The following TENM2 variants were observed in gnomAD, a reference collection of about 807,000 sequenced individuals.
TENM2 encodes teneurin transmembrane protein 2.
In TENM2, 52 loss-of-function variants were observed where a neutral mutation model predicts 245.2. The observed-to-expected ratio is 0.21, with a 90% confidence interval of 0.17 to 0.27. TENM2 has a LOEUF of 0.27. Ranked by LOEUF, TENM2 falls within the 10% of genes least tolerant of loss-of-function variation. TENM2 has a pLI of 1.00. For synonymous variants in TENM2, 1,363 were observed against 1,438.9 expected (o/e 0.95, Z 1.19); for missense variants, 3,046 against 3,666.8 (o/e 0.83, Z 4.37).
intron 2 of TENM2, among the ~76,000 whole-genome samples, chr5:167,798,996 T>C (rs1345028381): frequency 1.3e-5 from 2 of 152,158 alleles, no homozygotes; most frequent in Admixed American, 1.3e-4. Flanking sequence ...GAGGCTTTGA[T>C]GGGGTTAGGA....
the TENM2 span, among the ~76,000 whole-genome samples, chr5:167,210,533 G>A: frequency 3.5e-5 from 5 of 144,750 alleles, no homozygotes; most frequent in Admixed American, 2.1e-4. Flanking sequence ...GCGCAATCTC[G>A]GCTCACTGCA....
the TENM2 span, among the ~76,000 whole-genome samples, chr5:167,191,415 T>C: frequency 1.3e-5 from 2 of 152,046 alleles, no homozygotes; most frequent in Non-Finnish European, 2.9e-5. Flanking sequence ...CTAGGACACA[T>C]GTGTGTCCAA....
chr5:167,313,050 G>A (rs951780032), intron 1 of TENM2, among the ~76,000 whole-genome samples: 8 of 151,740 alleles, frequency 5.3e-5, no homozygotes, highest in East Asian at 3.9e-4. Flanking sequence ...TTACAGGCAC[G>A]CACCACCACT....
At chr5:167,280,756 G>GTCTGTCTATCTATCTA (rs1424705114), upstream of TENM2, among the ~76,000 whole-genome samples, 128 of 145,978 alleles carry the variant, frequency 8.8e-4, no homozygotes, top group East Asian at 1.8e-3. Context: ...CTATCTGTCT[G>GTCTGTCTATCTATCTA]TCTATCTATC....
intron 2 of TENM2, among the ~76,000 whole-genome samples, chr5:167,458,486 C>CAAAAAAAA (rs1466388818): frequency 2.8e-5 from 1 of 35,760 alleles, no homozygotes; most frequent in Non-Finnish European, 6.7e-5. Flanking sequence ...GACTCCGTCT[C>CAAAAAAAA]AAAAAAACAA....
At chr5:168,205,942 G>A (rs559228978) in intron 19 of TENM2, among the ~76,000 whole-genome samples, 6 of 152,318 alleles carry the variant, frequency 3.9e-5, no homozygotes, top group Admixed American at 2.6e-4. Flanking sequence ...GTCCAGGATT[G>A]GGGCAATGGT....
At chr5:167,525,370 T>C (rs947957557) in intron 2 of TENM2, among the ~76,000 whole-genome samples, 2 of 152,144 alleles carry the variant, frequency 1.3e-5, no homozygotes, top group South Asian at 4.1e-4. Context: ...CTTTATATAA[T>C]GGTGTTTCCT....
the TENM2 span, among the ~76,000 whole-genome samples, chr5:167,071,872 C>T: frequency 8.2e-5 from 10 of 122,296 alleles, no homozygotes; most frequent in African/African-American, 2.7e-5. Context: ...TGAATTTTGA[C>T]AAATCGCCCC....
chr5:167,527,319 A>G (rs1481243340), intron 2 of TENM2, among the ~76,000 whole-genome samples: 2 of 152,114 alleles, frequency 1.3e-5, no homozygotes, highest in African/African-American at 2.4e-5. Context: ...CCACCACAAA[A>G]GAAAAAAATT....
At chr5:167,439,084 G>A (rs1313968686) in intron 2 of TENM2, among the ~76,000 whole-genome samples, 12 of 152,178 alleles carry the variant, frequency 7.9e-5, no homozygotes, top group African/African-American at 2.4e-4. Flanking sequence ...ATGAGCCGCC[G>A]CACCGGGCCG....
At chr5:167,705,837 A>G (rs1350018260) in intron 2 of TENM2, among the ~76,000 whole-genome samples, 1 of 151,546 alleles carries the variant, frequency 6.6e-6, no homozygotes, top group Non-Finnish European at 1.5e-5. Flanking sequence ...ACTATTTTAG[A>G]TTTACCATAT....
the TENM2 span, among the ~76,000 whole-genome samples, chr5:167,107,681 A>G: frequency 1.3e-5 from 2 of 152,236 alleles, no homozygotes; most frequent in African/African-American, 4.8e-5. Flanking sequence ...TATCTCAGTT[A>G]AATCAAAAAG....
intron 12 of TENM2, among the ~76,000 whole-genome samples, chr5:168,145,666 C>G (rs1196264757): frequency 6.6e-6 from 1 of 152,090 alleles, no homozygotes. Flanking sequence ...GATGCGAGCT[C>G]TTTTTTGGTT....
At chr5:167,598,750 G>GT (rs57574806) in intron 2 of TENM2, among the ~76,000 whole-genome samples, 70 of 144,958 alleles carry the variant, frequency 4.8e-4, no homozygotes, top group South Asian at 2.0e-3. Context: ...GTTTGTTTTT[G>GT]TTTTTTTTTT....
intron 2 of TENM2, among the ~76,000 whole-genome samples, chr5:167,457,689 T>C (rs1766008296): frequency 6.6e-6 from 1 of 152,096 alleles, no homozygotes; most frequent in African/African-American, 2.4e-5. Context: ...CCCAAACCTA[T>C]GCAAAATGAC....
At chr5:167,892,689 C>A (rs1338419215) in intron 3 of TENM2, among the ~76,000 whole-genome samples, 1 of 152,178 alleles carries the variant, frequency 6.6e-6, no homozygotes, top group Admixed American at 6.5e-5. Context: ...CCCATGCCCT[C>A]ATTTTGCCTC....
intron 3 of TENM2, among the ~76,000 whole-genome samples, chr5:167,915,596 G>A (rs1011654212): frequency 7.2e-5 from 11 of 151,952 alleles, no homozygotes; most frequent in African/African-American, 2.7e-4. Flanking sequence ...CCCCTGTATC[G>A]ATTCACCAAT....
At chr5:167,005,089 TC>T in the TENM2 span, among the ~76,000 whole-genome samples, 1 of 152,122 alleles carries the variant, frequency 6.6e-6, no homozygotes, top group Non-Finnish European at 1.5e-5. Flanking sequence ...AAAGGACTTT[TC>T]CCCCCCATTT....
chr5:168,175,050 G>A (rs1357420729), intron 13 of TENM2, among the ~76,000 whole-genome samples: 1 of 152,130 alleles, frequency 6.6e-6, no homozygotes, highest in East Asian at 1.9e-4. Context: ...GGAATCAGAC[G>A]GACCTAGCTG....
Sources: allele counts gnomAD v4.1 joint callset (sites outside exome capture counted in the v4.1 genomes callset), GRCh38; gene constraint gnomAD v4.1.1; transcripts MANE v1.5; gene names NCBI Gene and HGNC (gene_info 2026-07-23, HGNC 2026-07-21).